KCNT2: variants seen among roughly 807,000 people sequenced by gnomAD.
The protein encoded by KCNT2 is potassium sodium-activated channel subfamily T member 2, also known as potassium channel subfamily T member 2.
A neutral mutation model predicts 153.8 loss-of-function variants in KCNT2; 67 were observed. The observed-to-expected ratio is 0.44, with a 90% CI of 0.36 to 0.53. The LOEUF (loss-of-function observed/expected upper bound fraction) is 0.53, where lower values mean the gene tolerates loss of function less well. Among genes scored for constraint, KCNT2 ranks in the 20% least tolerant of loss-of-function variants. The pLI, the probability that KCNT2 is intolerant of heterozygous loss-of-function variation, is 0.00. For missense variants in KCNT2, 975 were observed against 1,354.8 expected, an observed-to-expected ratio of 0.72 and a Z score of 4.40; for synonymous variants, 500 against 458.8, an observed-to-expected ratio of 1.09 and a Z score of -1.15.
Position 196,576,343 on chromosome 1 carries a change from G to T in KCNT2, c.95+31872C>A, listed in dbSNP as rs542347524. ...AGAAATTAAACTAATTATCCAAAAA[G>T]ACAAGCAGTATTGTCACTAGAATTT... On this transcript the variant is annotated intron_variant, in intron 1 of 27. Coordinates refer to ENST00000294725, the MANE Select transcript of KCNT2 (RefSeq NM_198503.5). Among the ~76,000 whole-genome samples, 11 of 152,094 alleles carry T rather than the reference G, an allele frequency of 7.2e-5. No individual in the cohort carries two copies. In the East Asian group the frequency reaches 2.1e-3, roughly 29 times the overall value.
In KCNT2 at chr1:196,331,194, G is replaced by A. The variant is rs773983551; in HGVS notation, c.2065C>T (p.His689Tyr). 1 of 1,608,950 alleles carries A rather than the reference G, an allele frequency of 6.2e-7. No homozygotes were observed. Among genetic ancestry groups the A allele is most frequent in the Non-Finnish European group, 8.5e-7 (1 of 1,175,786 alleles). ...GSSPTFCHLL[H>Y]EKVPFCCLRL... ...AAGCAGCAAAATGGTACTTTTTCAT[G>A]AAGGAGATGACAAAAAGTGGGTGAA... Residue 689 changes from histidine to tyrosine, a missense_variant, in exon 18 of 28, where the codon CAT becomes TAT. His to Tyr is a moderately conservative substitution (Grantham distance 83). Around this residue, in one of 6 missense-constraint regions of KCNT2, gnomAD observed 325 missense variants for 388.1 expected, o/e 0.84. Transcript: ENST00000294725.
At chr1:196,492,178 A>G in intron 2 of KCNT2, 84 bp downstream of exon 2, 1 of 1,259,006 alleles carries the variant, frequency 7.9e-7, no homozygotes, top group Non-Finnish European at 1.0e-6. Flanking sequence ...TCTATCTAAA[A>G]AGTATTTTGC....
chr1:196,537,346 T>C (rs1572756667), intron 1 of KCNT2, among the ~76,000 whole-genome samples: 1 of 152,190 alleles, frequency 6.6e-6, no homozygotes, highest in Non-Finnish European at 1.5e-5. Flanking sequence ...TGGAAAAGAA[T>C]GCATTAGTCA....
intron 1 of KCNT2, among the ~76,000 whole-genome samples, chr1:196,531,328 A>G (rs2148848873): frequency 6.6e-6 from 1 of 152,188 alleles, no homozygotes; most frequent in South Asian, 2.1e-4. Context: ...TAACATCAAG[A>G]AAAGTGGCAT....
chr1:196,423,741 A>AC (rs1469310513), intron 11 of KCNT2, among the ~76,000 whole-genome samples: 1 of 151,616 alleles, frequency 6.6e-6, no homozygotes, highest in Non-Finnish European at 1.5e-5. Context: ...TTTTCCAAAA[A>AC]AAAAAATGGT....
At chr1:196,339,484 G>T (rs1317716191) in intron 16 of KCNT2, among the ~76,000 whole-genome samples, 2 of 150,056 alleles carry the variant, frequency 1.3e-5, no homozygotes, top group South Asian at 4.2e-4. Context: ...ACAAGTGTAT[G>T]GTGCACACAG....
chr1:196,355,243 T>C (rs1667079690), intron 14 of KCNT2, among the ~76,000 whole-genome samples: 1 of 150,918 alleles, frequency 6.6e-6, no homozygotes, highest in South Asian at 2.1e-4. Context: ...CTTGGTCTAC[T>C]AGGAAGATGC....
At chr1:196,306,668 T>C (rs1661666018) in intron 21 of KCNT2, among the ~76,000 whole-genome samples, 1 of 152,094 alleles carries the variant, frequency 6.6e-6, no homozygotes, top group Non-Finnish European at 1.5e-5. Context: ...CATTGGGCTT[T>C]AGTCACCATT....
rs112188667 is a variant in KCNT2 at position 196,551,902 on chromosome 1, C to T, written c.95+56313G>A. On this transcript the variant is annotated intron_variant, in intron 1 of 27. Transcript: ENST00000294725. ...TCTTCCACCTGCCCTGGTTGGTATA[C>T]TTGAATTGTTGTGCCTATAACTAAA... Among the ~76,000 whole-genome samples the T allele has an allele frequency of 3.6e-3, 542 of 151,628 alleles. 2 individuals are homozygous for T. The highest frequency in any genetic ancestry group is 0.012 in the African/African-American group (513 of 41,456).
intron 25 of KCNT2, among the ~76,000 whole-genome samples, chr1:196,277,095 C>T (rs1007624971): frequency 1.1e-4 from 17 of 152,136 alleles, no homozygotes; most frequent in Non-Finnish European, 1.8e-4. Flanking sequence ...AATCTTAGAA[C>T]TCCTAGACTA....
intron 4 of KCNT2, among the ~76,000 whole-genome samples, chr1:196,481,938 T>C (rs1277539426): frequency 6.6e-6 from 1 of 152,186 alleles, no homozygotes; most frequent in Non-Finnish European, 1.5e-5. Context: ...TATTTATTGA[T>C]ATTCTACCAT....
At chr1:196,264,651 A>G (rs894388728) in intron 25 of KCNT2, among the ~76,000 whole-genome samples, 4 of 151,848 alleles carry the variant, frequency 2.6e-5, no homozygotes, top group Non-Finnish European at 4.4e-5. Flanking sequence ...TATTTATTTT[A>G]AGACAGGGTC....
At chr1:196,360,736 G>A (rs187878857) in intron 14 of KCNT2, among the ~76,000 whole-genome samples, 22 of 152,128 alleles carry the variant, frequency 1.4e-4, no homozygotes, top group Admixed American at 1.1e-3. Context: ...TGCAAGCCAA[G>A]GAGAGAGGAC....
intron 13 of KCNT2, among the ~76,000 whole-genome samples, chr1:196,377,906 G>C (rs1022548584): frequency 1.3e-5 from 2 of 152,054 alleles, no homozygotes; most frequent in African/African-American, 2.4e-5. Context: ...ATTGAAACTT[G>C]TTTCAGATGA....
chr1:196,232,435 G>A (rs986523791), intron 27 of KCNT2, among the ~76,000 whole-genome samples: 1 of 151,580 alleles, frequency 6.6e-6, no homozygotes, highest in African/African-American at 2.4e-5. Flanking sequence ...CAAAACCTAT[G>A]AGTCCAATAA....
chr1:196,593,280 T>G (rs1225458052), intron 1 of KCNT2, among the ~76,000 whole-genome samples: 1 of 144,874 alleles, frequency 6.9e-6, no homozygotes, highest in African/African-American at 2.5e-5. Context: ...CTGAGTAGTA[T>G]TCCATCATAT....
At chr1:196,405,529 G>A (rs1204272646) in intron 12 of KCNT2, among the ~76,000 whole-genome samples, 6 of 151,334 alleles carry the variant, frequency 4.0e-5, no homozygotes, top group African/African-American at 1.5e-4. Context: ...TTATTTTACT[G>A]AAATCCAAAT....
chr1:196,363,710 C>T (rs1667813335), intron 14 of KCNT2, among the ~76,000 whole-genome samples: 1 of 152,088 alleles, frequency 6.6e-6, no homozygotes, highest in Non-Finnish European at 1.5e-5. Flanking sequence ...CAAGAAGGCC[C>T]TCACAAGATT....
intron 14 of KCNT2, among the ~76,000 whole-genome samples, chr1:196,349,602 T>C (rs562079451): frequency 6.6e-6 from 1 of 152,252 alleles, no homozygotes. Flanking sequence ...GTACACCCTA[T>C]AGACTCTAGC....
Sources: allele counts gnomAD v4.1 joint callset (sites outside exome capture counted in the v4.1 genomes callset), GRCh38; gene constraint gnomAD v4.1.1; regional missense constraint gnomAD v4.1.1; transcripts MANE v1.5; gene names NCBI Gene and HGNC (gene_info 2026-07-23, HGNC 2026-07-21).